The following MRPL47 variants were observed in gnomAD, a reference collection of about 807,000 sequenced individuals.
MRPL47 encodes the protein mitochondrial ribosomal protein L47.
A neutral mutation model predicts 34.0 loss-of-function variants in MRPL47; 31 were observed. The ratio of observed to expected loss-of-function variants is 0.91; its 90% CI spans 0.68 to 1.23. The LOEUF is 1.23. MRPL47 is among the 50% of genes most tolerant of loss of function. MRPL47 has a pLI of 0.00. For missense variants in MRPL47, 328 were observed against 285.8 expected (o/e 1.15, Z -1.07); for synonymous variants, 106 against 101.6 (o/e 1.04, Z -0.26).
At position 179,604,613 on chromosome 3, in the gene MRPL47, G is replaced by T; in HGVS notation, c.12C>A (p.Ala4=). 2 of 1,614,170 alleles carry T rather than the reference G, an allele frequency of 1.2e-6. No individual in the cohort carries two copies. The highest frequency in any genetic ancestry group is 1.7e-6 in the Non-Finnish European group (2 of 1,180,036). MAA[A]GLALLCRRVS... is the part of the protein sequence containing the mutation. The stretch of plus-strand genomic sequence containing the variant: ...CTCTCCTACAAAGAAGGGCCAAACC[G>T]GCCGCAGCCATGTTTTCGCATAACT... Residue 4 remains alanine, a synonymous_variant, in exon 1 of 7, where the codon GCC becomes GCA. Transcript: ENST00000476781.
At chr3:179,589,665 A>G (rs568038679) in intron 6 of MRPL47, among the ~76,000 whole-genome samples, 1 of 152,266 alleles carries the variant, frequency 6.6e-6, no homozygotes, top group East Asian at 1.9e-4. Flanking sequence ...TGAAGTTATT[A>G]CAAATGAGGT....
At chr3:179,597,912 T>G (rs1718825775) in intron 4 of MRPL47, among the ~76,000 whole-genome samples, 1 of 152,224 alleles carries the variant, frequency 6.6e-6, no homozygotes, top group African/African-American at 2.4e-5. Context: ...AAATTTTATG[T>G]TATGTGATTT....
intron 4 of MRPL47, 144 bp downstream of exon 4, chr3:179,598,531 C>T (rs1718849047): frequency 3.4e-6 from 2 of 582,694 alleles, no homozygotes; most frequent in Non-Finnish European, 3.1e-6. Flanking sequence ...TCCAAAGGAG[C>T]TATGATGGTT....
intron 3 of MRPL47, among the ~76,000 whole-genome samples, chr3:179,600,126 A>G (rs1360680462): frequency 1.3e-5 from 2 of 152,072 alleles, no homozygotes; most frequent in African/African-American, 2.4e-5. Flanking sequence ...GTCTCAAAAA[A>G]AAAAAAACAA....
intron 4 of MRPL47, among the ~76,000 whole-genome samples, chr3:179,594,260 A>C (rs1009877202): frequency 1.3e-5 from 2 of 152,230 alleles, no homozygotes; most frequent in African/African-American, 4.8e-5. Flanking sequence ...ATATTAAAAA[A>C]GACATGTTCT....
rs1049903167 is a variant in MRPL47, at chr3:179,589,104, C to G, written c.630-109G>C. On this transcript the variant is annotated intron_variant, in intron 6 of 6. Transcript: ENST00000476781. Reference sequence around the variant, plus strand: ...ACATCAAAGCTTCAAACATGCCAGTCCCTGTATTTGGTGTGTTATATATAT... The same window carrying G: ...ACATCAAAGCTTCAAACATGCCAGTGCCTGTATTTGGTGTGTTATATATAT... The G allele has an allele frequency of 7.4e-6, 8 of 1,083,600 alleles. No individual in the cohort carries two copies. In the Admixed American group the frequency reaches 2.0e-4, roughly 27 times the overall value. 67.1% of individuals were successfully genotyped at this position (1,083,600 alleles called of 1,614,324 possible).
At chr3:179,591,965 T>C (rs1052256551) in intron 6 of MRPL47, among the ~76,000 whole-genome samples, 3 of 151,986 alleles carry the variant, frequency 2.0e-5, no homozygotes, top group African/African-American at 7.3e-5. Context: ...CCTAAGTAGT[T>C]GAGATTACAG....
Position 179,604,551 on chromosome 3 carries a change from GT to G in MRPL47, c.73del (p.Thr25LeufsTer22). ...SALKSSRSLI[T>X]PQVPACTGFF... Reference sequence around the variant, plus strand: ...CCCTGTGCAGGCAGGGACCTGAGGAGTTATTAACGATCGGGAAGATTTCAGG... The same window carrying G: ...CCCTGTGCAGGCAGGGACCTGAGGAGTATTAACGATCGGGAAGATTTCAGG... On this transcript the variant is annotated frameshift_variant, in exon 1 of 7. Transcript: ENST00000476781. LOFTEE classifies it high-confidence loss of function. 1 of 1,614,200 alleles carries G rather than the reference GT, an allele frequency of 6.2e-7. No homozygotes were observed. The highest frequency in any genetic ancestry group is 8.5e-7 in the Non-Finnish European group (1 of 1,180,018).
intron 4 of MRPL47, 26 bp downstream of exon 4, chr3:179,598,649 A>G (rs1328003012): frequency 1.5e-6 from 2 of 1,360,902 alleles, no homozygotes; most frequent in Non-Finnish European, 2.1e-6. Flanking sequence ...CATGTATACC[A>G]GTCTCCAGCC....
chr3:179,603,948 G>A (rs546544510), intron 1 of MRPL47, among the ~76,000 whole-genome samples: 5 of 146,486 alleles, frequency 3.4e-5, no homozygotes, highest in African/African-American at 1.3e-4. Flanking sequence ...TTCTTAAAAA[G>A]CTAATCTCAT....
chr3:179,604,611 C>G lies in MRPL47; in HGVS notation c.14G>C (p.Gly5Ala), dbSNP rs1269870852. ...AACTCTCCTACAAAGAAGGGCCAAA[C>G]CGGCCGCAGCCATGTTTTCGCATAA... Reference protein sequence around the residue: MAAAGLALLCRRVSS... With the variant: MAAAALALLCRRVSS... The change falls in exon 1 of 7, where the codon GGT (glycine) becomes GCT (alanine). Residue 5 changes from glycine (G) to alanine (A), a missense_variant. By Grantham distance (60) the Gly-to-Ala change is moderately conservative. Transcript: ENST00000476781. 6 of 1,614,080 alleles carry G rather than the reference C, an allele frequency of 3.7e-6. No individual in the cohort carries two copies. The African/African-American group carries it at 6.7e-5, about 18-fold the overall frequency.
At chr3:179,595,275 T>C (rs578113049) in intron 4 of MRPL47, among the ~76,000 whole-genome samples, 21 of 152,078 alleles carry the variant, frequency 1.4e-4, no homozygotes, top group South Asian at 1.2e-3. Flanking sequence ...CTCAAACTCC[T>C]TGGGCTCAAG....
chr3:179,598,391 C>G (rs1718839240), intron 4 of MRPL47, among the ~76,000 whole-genome samples: 1 of 124,810 alleles, frequency 8.0e-6, no homozygotes, highest in South Asian at 2.8e-4. Context: ...ACCCACCTGA[C>G]ACACTGACAC....
intron 3 of MRPL47, among the ~76,000 whole-genome samples, chr3:179,599,506 A>C (rs538183426): frequency 6.6e-6 from 1 of 152,360 alleles, no homozygotes; most frequent in Non-Finnish European, 1.5e-5. Flanking sequence ...GAAGAAGCTA[A>C]GGCTGAGAGA....
intron 3 of MRPL47, among the ~76,000 whole-genome samples, chr3:179,601,390 G>A (rs765390661): frequency 3.3e-5 from 5 of 152,168 alleles, no homozygotes; most frequent in African/African-American, 2.4e-5. Flanking sequence ...CTGGGCAACA[G>A]AGCGAGACCT....
Position 179,588,502 on chromosome 3 carries a change from C to G in MRPL47, c.*370G>C, listed in dbSNP as rs1337724223. Reference sequence around the variant, plus strand: ...GTCCTCCGTTTATTAACAGCAATACCCACATCCTCTTCATAGCCTATTAAC... The same window carrying G: ...GTCCTCCGTTTATTAACAGCAATACGCACATCCTCTTCATAGCCTATTAAC... On this transcript the variant is annotated 3_prime_UTR_variant, in exon 7 of 7. Transcript: ENST00000476781. 2 of 181,292 alleles carry G rather than the reference C, an allele frequency of 1.1e-5. No individual in the cohort carries two copies. The highest frequency in any genetic ancestry group is 4.8e-5 in the African/African-American group (2 of 42,104). The allele number at this position is 181,292 out of a possible 1,614,324, so 11.2% of individuals were successfully genotyped here.
chr3:179,593,423 A>G (rs1432332916), intron 5 of MRPL47, among the ~76,000 whole-genome samples: 1 of 152,202 alleles, frequency 6.6e-6, no homozygotes, highest in East Asian at 1.9e-4. Context: ...TTCTGAAGTG[A>G]TATGTGTACA....
chr3:179,590,226 C>T (rs1392322600), intron 6 of MRPL47, among the ~76,000 whole-genome samples: 1 of 151,934 alleles, frequency 6.6e-6, no homozygotes, highest in African/African-American at 2.4e-5. Context: ...GTAGTCCCAG[C>T]TACTCAGGAG....
chr3:179,598,427 A>C (rs77871581), intron 4 of MRPL47, among the ~76,000 whole-genome samples: 7,339 of 48,600 alleles, frequency 0.15, 211 homozygotes, highest in South Asian at 0.27. Flanking sequence ...CACACACACA[A>C]ACAAAAAAAA....
Sources: gnomAD v4.1 joint callset for allele counts (sites outside exome capture counted in the v4.1 genomes callset) on GRCh38, gnomAD v4.1.1 for gene constraint, MANE v1.5 for transcripts, NCBI Gene and HGNC (gene_info 2026-07-23, HGNC 2026-07-21) for gene names.